Variants in GPR137C observed in about 807,000 individuals in gnomAD.
GPR137C encodes G protein-coupled receptor 137C, also known as integral membrane protein GPR137C.
Under a neutral mutation model 43.4 loss-of-function variants are expected in GPR137C, and 27 were observed. That is an observed-to-expected ratio of 0.62 (90% CI 0.46 to 0.86). GPR137C has a LOEUF of 0.86. GPR137C is among the 40% of genes least tolerant of loss of function. GPR137C has a pLI of 0.00. For synonymous variants in GPR137C, 285 were observed against 226.9 expected (o/e 1.26, Z -2.30); for missense variants, 522 against 534.6 (o/e 0.98, Z 0.23).
At chr14:52,557,730 C>A (rs1363031275) in intron 1 of GPR137C, among the ~76,000 whole-genome samples, 2 of 152,136 alleles carry the variant, frequency 1.3e-5, no homozygotes, top group South Asian at 2.1e-4. Flanking sequence ...GTCTTCACAA[C>A]CCCCATGAAA....
chr14:52,604,548 C>T (rs967658269), intron 3 of GPR137C, among the ~76,000 whole-genome samples: 3 of 151,570 alleles, frequency 2.0e-5, no homozygotes, highest in African/African-American at 7.3e-5. Context: ...CAGGTTCAAG[C>T]GATTCTCCAG....
At chr14:52,614,978 TC>T (rs1319442006) in intron 3 of GPR137C, among the ~76,000 whole-genome samples, 1 of 152,220 alleles carries the variant, frequency 6.6e-6, no homozygotes, top group Non-Finnish European at 1.5e-5. Flanking sequence ...ATCCAATCCA[TC>T]CATTTTTGCT....
At chr14:52,632,679 C>G (rs1418291887) in intron 4 of GPR137C, among the ~76,000 whole-genome samples, 1 of 152,010 alleles carries the variant, frequency 6.6e-6, no homozygotes, top group Non-Finnish European at 1.5e-5. Flanking sequence ...GAAAGTAACT[C>G]TCCCCTACCC....
At position 52,553,581 on chromosome 14, in the gene GPR137C, A is replaced by G. The variant is rs545963736; in HGVS notation, c.434A>G (p.Tyr145Cys). 25 of 1,387,892 alleles carry G rather than the reference A, an allele frequency of 1.8e-5. No homozygotes were observed. In the South Asian group the frequency reaches 2.7e-4, roughly 15 times the overall value. The allele number at this position is 1,387,892 out of a possible 1,614,324, so 86.0% of individuals were successfully genotyped here. ...TCCACGCTCTGTCTCCTCAACCTCT[A>G]CCTGGCGGAGGTAAGGCGGGAGGGC... ...QFSTLCLLNLYLAEVICKVRC... is the reference protein window; with the variant it reads ...QFSTLCLLNLCLAEVICKVRC... Residue 145 changes from tyrosine to cysteine, a missense_variant, in exon 1 of 7, where the codon TAC becomes TGC. Transcript: ENST00000321662.
intron 2 of GPR137C, among the ~76,000 whole-genome samples, chr14:52,599,232 G>C (rs2038894063): frequency 6.6e-6 from 1 of 152,120 alleles, no homozygotes; most frequent in African/African-American, 2.4e-5. Flanking sequence ...AGAGATTAAG[G>C]AGTTCATGTG....
chr14:52,619,915 G>A (rs2039141027), intron 3 of GPR137C, among the ~76,000 whole-genome samples: 1 of 152,048 alleles, frequency 6.6e-6, no homozygotes, highest in African/African-American at 2.4e-5. Context: ...AATGGAAATA[G>A]TATTTGTAAG....
intron 1 of GPR137C, among the ~76,000 whole-genome samples, chr14:52,586,260 A>G (rs935749041): frequency 4.6e-5 from 7 of 152,238 alleles, no homozygotes; most frequent in Non-Finnish European, 8.8e-5. Flanking sequence ...CAGACCATGC[A>G]AAAACATGAG....
chr14:52,617,755 T>A (rs2039115833), intron 3 of GPR137C, among the ~76,000 whole-genome samples: 1 of 152,152 alleles, frequency 6.6e-6, no homozygotes, highest in Non-Finnish European at 1.5e-5. Context: ...GCTCTACTGT[T>A]TATTGGCTGT....
intron 1 of GPR137C, among the ~76,000 whole-genome samples, chr14:52,583,890 C>T (rs984098106): frequency 6.6e-6 from 1 of 152,086 alleles, no homozygotes; most frequent in Non-Finnish European, 1.5e-5. Flanking sequence ...TTTGAGCCAC[C>T]CAGTAGCATG....
rs1384520279 is a variant in GPR137C at position 52,553,219 on chromosome 14, C to T, written c.72C>T (p.Gly24=). The T allele has an allele frequency of 3.1e-5, 39 of 1,270,268 alleles. No homozygotes were observed. The highest frequency in any genetic ancestry group is 3.6e-5 in the Non-Finnish European group (36 of 1,009,282). The allele number at this position is 1,270,268 out of a possible 1,614,324, so 78.7% of individuals were successfully genotyped here. ...PAAGREPSTP[G]GGSGGGGAVA... The stretch of plus-strand genomic sequence containing the variant: ...CCGGCCGCGAGCCCTCCACGCCCGG[C>T]GGGGGCAGCGGAGGCGGAGGCGCCG... The change falls in exon 1 of 7, where the codon GGC becomes GGT. Residue 24 remains glycine (G), a synonymous_variant. Coordinates refer to ENST00000321662, the MANE Select transcript of GPR137C (RefSeq NM_001099652.2).
chr14:52,577,250 T>C (rs142052905), intron 1 of GPR137C, among the ~76,000 whole-genome samples: 1 of 140,700 alleles, frequency 7.1e-6, no homozygotes, highest in African/African-American at 2.7e-5. Context: ...CTGAGTGATC[T>C]ATGGGTAAAC....
At chr14:52,558,433 A>T (rs1305768766) in intron 1 of GPR137C, among the ~76,000 whole-genome samples, 1 of 152,188 alleles carries the variant, frequency 6.6e-6, no homozygotes. Context: ...ATTCTTGCAC[A>T]AGTTTGAAGC....
At chr14:52,602,204 T>C (rs17725384) in intron 3 of GPR137C, among the ~76,000 whole-genome samples, 13,581 of 151,818 alleles carry the variant, frequency 0.089, 674 homozygotes, top group South Asian at 0.15. Context: ...ACTAGACTCA[T>C]TTTTGACTTT....
At chr14:52,630,390 AC>A (rs555965900) in intron 3 of GPR137C, among the ~76,000 whole-genome samples, 6 of 151,934 alleles carry the variant, frequency 3.9e-5, no homozygotes, top group Non-Finnish European at 7.4e-5. Context: ...TTGTTTCCTT[AC>A]TTTTCTTTAA....
intron 1 of GPR137C, among the ~76,000 whole-genome samples, chr14:52,557,175 T>C (rs144776157): frequency 3.1e-4 from 47 of 152,272 alleles, no homozygotes; most frequent in Non-Finnish European, 1.5e-5. Context: ...GAAGGAATAT[T>C]TTACATATTT....
chr14:52,601,148 G>A (rs538601120), intron 3 of GPR137C, among the ~76,000 whole-genome samples: 57 of 152,258 alleles, frequency 3.7e-4, no homozygotes, highest in African/African-American at 1.3e-3. Flanking sequence ...TTTATGTGTG[G>A]CATTGGGTGT....
chr14:52,590,214 C>T (rs554862241), intron 1 of GPR137C, among the ~76,000 whole-genome samples: 136 of 147,438 alleles, frequency 9.2e-4, no homozygotes, highest in African/African-American at 2.9e-3. Flanking sequence ...GAAAAAAGTT[C>T]AAAAAGTAAA....
At chr14:52,617,710 A>C (rs2039115355) in intron 3 of GPR137C, among the ~76,000 whole-genome samples, 1 of 152,078 alleles carries the variant, frequency 6.6e-6, no homozygotes, top group South Asian at 2.1e-4. Context: ...AAAAGATGGA[A>C]ATTTAGGATC....
At position 52,634,932 on chromosome 14, in the gene GPR137C, T is replaced by C. The variant is rs775137834; in HGVS notation, c.1113-6T>C. The C allele has an allele frequency of 6.2e-7, 1 of 1,611,224 alleles. No homozygotes were observed. The highest frequency in any genetic ancestry group is 8.5e-7 in the Non-Finnish European group (1 of 1,178,858). ...CTATGGTCTTTTTGCCTTTTTTTTG[T>C]TGCAGTTTACCAAATTCGCAAAGTT... On this transcript the variant is annotated splice_polypyrimidine_tract_variant and splice_region_variant and intron_variant, in intron 6 of 6. Transcript: ENST00000321662.
Sources: gnomAD v4.1 joint callset for allele counts (sites outside exome capture counted in the v4.1 genomes callset) on GRCh38, gnomAD v4.1.1 for gene constraint, MANE v1.5 for transcripts, NCBI Gene and HGNC (gene_info 2026-07-23, HGNC 2026-07-21) for gene names.